The following RYR2 variants were observed in gnomAD, a reference collection of about 807,000 sequenced individuals.
RYR2 encodes the protein cardiac muscle ryanodine receptor-calcium release channel.
A neutral mutation model predicts 601.1 loss-of-function variants in RYR2; 227 were observed. The observed-to-expected ratio is 0.38, with a 90% confidence interval of 0.34 to 0.42. The LOEUF (loss-of-function observed/expected upper bound fraction) is 0.42. RYR2 is among the 10% of genes least tolerant of loss of function. RYR2 has a pLI of 1.00. For missense variants in RYR2, 4,646 were observed against 6,156.5 expected, an observed-to-expected ratio of 0.75 and a Z score of 8.21; for synonymous variants, 2,223 against 2,175.1, an observed-to-expected ratio of 1.02 and a Z score of -0.61.
At chr1:237,566,466 C>T in intron 27 of RYR2, 101 bp from the exon 28 acceptor site, 1 of 1,213,764 alleles carries the variant, frequency 8.2e-7, no homozygotes, top group Non-Finnish European at 1.1e-6. Context: ...GGTTGAATTA[C>T]TAAAGTCGTG....
At chr1:237,608,384 C>G (rs529440500) in intron 35 of RYR2, among the ~76,000 whole-genome samples, 1 of 152,092 alleles carries the variant, frequency 6.6e-6, no homozygotes, top group South Asian at 2.1e-4. Flanking sequence ...GCTTTGGTGG[C>G]CTTGCCAGAA....
rs757021837 is a variant in RYR2, at chr1:237,614,207, C to T, written c.5079C>T (p.Tyr1693=). 4 of 1,614,030 alleles carry T rather than the reference C, an allele frequency of 2.5e-6. No homozygotes were observed. The highest frequency in any genetic ancestry group is 2.2e-5 in the South Asian group (2 of 91,090). ...PQLLYAIENK[Y]MPGLLRAGYY... ...TCCTCTATGCCATTGAGAACAAGTA[C>T]ATGCCTGGTTTGCTGCGTGCTGGCT... The change falls in exon 37 of 105, where the codon TAC becomes TAT. Residue 1693 remains tyrosine (Y), a synonymous_variant. Transcript: ENST00000366574. This position sits in a 1 kb window ranked among gnomAD's most constrained non-coding sequence, Gnocchi z 4.3.
intron 17 of RYR2, among the ~76,000 whole-genome samples, chr1:237,470,762 G>GAC (rs1286703676): frequency 1.3e-5 from 2 of 152,034 alleles, no homozygotes; most frequent in African/African-American, 4.8e-5. Context: ...TAAGGACATG[G>GAC]ACACACACAC....
At chr1:237,222,086 A>G (rs749773765) in intron 1 of RYR2, among the ~76,000 whole-genome samples, 2 of 152,262 alleles carry the variant, frequency 1.3e-5, no homozygotes, top group Non-Finnish European at 2.9e-5. Context: ...GGAATATTGC[A>G]TTTGTGTGAT....
intron 24 of RYR2, among the ~76,000 whole-genome samples, chr1:237,514,780 T>C (rs1408957807): frequency 6.6e-6 from 1 of 152,192 alleles, no homozygotes; most frequent in East Asian, 1.9e-4. Context: ...TTCTCCTTAG[T>C]AGAATGAGGA....
intron 1 of RYR2, among the ~76,000 whole-genome samples, chr1:237,215,150 A>G (rs750602016): frequency 1.4e-4 from 22 of 152,204 alleles, no homozygotes; most frequent in Non-Finnish European, 2.4e-4. Flanking sequence ...CCCAGGGTAA[A>G]GCAACCTTGA....
At chr1:237,049,556 G>T (rs1660998862) in intron 1 of RYR2, among the ~76,000 whole-genome samples, 1 of 152,126 alleles carries the variant, frequency 6.6e-6, no homozygotes, top group Non-Finnish European at 1.5e-5. Flanking sequence ...TCTGCAGGAT[G>T]AGCATAACAA....
At chr1:237,071,014 G>A (rs1200704169) in intron 1 of RYR2, among the ~76,000 whole-genome samples, 2 of 152,324 alleles carry the variant, frequency 1.3e-5, no homozygotes, top group East Asian at 1.9e-4. Flanking sequence ...CAGCCTGTTT[G>A]TGTTACAACT....
intron 79 of RYR2, among the ~76,000 whole-genome samples, chr1:237,735,354 G>A (rs1042795607): frequency 6.6e-6 from 1 of 152,166 alleles, no homozygotes; most frequent in Admixed American, 6.5e-5. Flanking sequence ...AGATGGAATT[G>A]TGAGGTTGAA....
At chr1:237,778,629 A>T (rs756072594) in intron 87 of RYR2, 37 bp from the exon 88 acceptor site, 2 of 1,104,344 alleles carry the variant, frequency 1.8e-6, no homozygotes, top group South Asian at 1.4e-5. Flanking sequence ...CAAATAAATT[A>T]TGAGGAATAA....
rs1472161324 is a variant in RYR2 at position 237,707,022 on chromosome 1, C to T, written c.9654C>T (p.Ile3218=). The T allele has an allele frequency of 2.5e-6, 4 of 1,613,736 alleles. No individual in the cohort carries two copies. Among genetic ancestry groups the T allele is most frequent in the Non-Finnish European group, 3.4e-6 (4 of 1,179,790 alleles). Reference sequence around the variant, plus strand: ...CTTTGGAGAAACTCATGGAAGAAATCGTGGAATTAGCCGAGTCCGGCATTC... The same window carrying T: ...CTTTGGAGAAACTCATGGAAGAAATTGTGGAATTAGCCGAGTCCGGCATTC... ...IPSLEKLMEE[I]VELAESGIRY... Residue 3218 remains isoleucine (I), a synonymous_variant, in exon 68 of 105, where the codon ATC becomes ATT. Transcript: ENST00000366574.
intron 1 of RYR2, among the ~76,000 whole-genome samples, chr1:237,139,950 T>A (rs1464213373): frequency 1.3e-5 from 2 of 152,218 alleles, no homozygotes; most frequent in Non-Finnish European, 2.9e-5. Flanking sequence ...CACTCAGTGA[T>A]GTGTAGGCGA....
At chr1:237,728,596 T>C (rs1008537157) in intron 76 of RYR2, among the ~76,000 whole-genome samples, 12 of 152,058 alleles carry the variant, frequency 7.9e-5, no homozygotes, top group African/African-American at 2.9e-4. Context: ...TGGAATACTA[T>C]GCAGCCATAA....
chr1:237,644,206 TG>T (rs1291859069), intron 48 of RYR2, among the ~76,000 whole-genome samples: 11 of 152,134 alleles, frequency 7.2e-5, no homozygotes, highest in African/African-American at 2.7e-4. Context: ...ATCCCCTCTC[TG>T]TTAAAAAGAG....
chr1:237,296,329 T>C (rs1351629951), intron 2 of RYR2, among the ~76,000 whole-genome samples: 3 of 152,188 alleles, frequency 2.0e-5, no homozygotes, highest in Admixed American at 6.5e-5. Flanking sequence ...TGGTGTATTA[T>C]AGGAATTGAA....
At chr1:237,126,051 A>G (rs1406760003) in intron 1 of RYR2, among the ~76,000 whole-genome samples, 1 of 152,222 alleles carries the variant, frequency 6.6e-6, no homozygotes, top group Non-Finnish European at 1.5e-5. Context: ...ACCCTGGCCA[A>G]CATGGCAAAA....
chr1:237,337,162 G>T (rs756695347), intron 3 of RYR2, among the ~76,000 whole-genome samples: 1 of 148,250 alleles, frequency 6.7e-6, no homozygotes. Context: ...TGAGGCACGA[G>T]AATCACTTGA....
At chr1:237,390,958 A>G (rs1307754698) in intron 10 of RYR2, among the ~76,000 whole-genome samples, 1 of 152,180 alleles carries the variant, frequency 6.6e-6, no homozygotes, top group Non-Finnish European at 1.5e-5. Context: ...ATGTCAGATT[A>G]TGACTCGAGG....
chr1:237,048,159 G>A (rs1216303391), intron 1 of RYR2, among the ~76,000 whole-genome samples: 2 of 152,134 alleles, frequency 1.3e-5, no homozygotes, highest in Admixed American at 6.6e-5. Context: ...GCCGTTTGTG[G>A]CTGTGGCTCC....
Sources: gnomAD v4.1 joint callset for allele counts (sites outside exome capture counted in the v4.1 genomes callset) on GRCh38, gnomAD v4.1.1 for gene constraint, Gnocchi (gnomAD v3.1) non-coding constraint, MANE v1.5 for transcripts, NCBI Gene and HGNC (gene_info 2026-07-23, HGNC 2026-07-21) for gene names.